GALNT13: variants seen among roughly 807,000 people sequenced by gnomAD.
The protein encoded by GALNT13 is polypeptide N-acetylgalactosaminyltransferase 13.
Under a neutral mutation model 64.2 loss-of-function variants are expected in GALNT13, and 28 were observed. The ratio of observed to expected loss-of-function variants is 0.44; its 90% confidence interval spans 0.32 to 0.60. The LOEUF (loss-of-function observed/expected upper bound fraction) is 0.60, where lower values mean the gene tolerates loss of function less well. GALNT13 is among the 20% of genes least tolerant of loss of function. The pLI, the probability that GALNT13 is intolerant of heterozygous loss-of-function variation, is 0.05. For synonymous variants in GALNT13, 214 were observed against 224.6 expected (o/e 0.95, Z 0.42); for missense variants, 577 against 669.8 (o/e 0.86, Z 1.53).
At chr2:153,471,649 C>A in the GALNT13 span, among the ~76,000 whole-genome samples, 1 of 152,100 alleles carries the variant, frequency 6.6e-6, no homozygotes, top group Non-Finnish European at 1.5e-5. Context: ...AGGGTCCCAG[C>A]TCATTTCTCT....
chr2:154,213,094 G>A (rs1687865579), intron 4 of GALNT13, among the ~76,000 whole-genome samples: 1 of 152,008 alleles, frequency 6.6e-6, no homozygotes, highest in Non-Finnish European at 1.5e-5. Context: ...AGGAAGTCAG[G>A]TTTTTGTTCA....
At chr2:154,322,144 CTTT>C (rs70983718) in intron 9 of GALNT13, among the ~76,000 whole-genome samples, 45 of 16,624 alleles carry the variant, frequency 2.7e-3, no homozygotes, top group African/African-American at 7.9e-3. Context: ...AAAATATGTA[CTTT>C]TTTTTTTTTT....
intron 9 of GALNT13, among the ~76,000 whole-genome samples, chr2:154,318,033 T>G (rs1298883885): frequency 6.6e-6 from 1 of 152,150 alleles, no homozygotes; most frequent in Non-Finnish European, 1.5e-5. Context: ...ACAAGACAAA[T>G]GCCTTTCTTT....
At chr2:153,277,262 G>T in the GALNT13 span, among the ~76,000 whole-genome samples, 4 of 152,094 alleles carry the variant, frequency 2.6e-5, no homozygotes, top group Non-Finnish European at 5.9e-5. Context: ...ATGGGCATGA[G>T]TACCCAATAT....
the GALNT13 span, among the ~76,000 whole-genome samples, chr2:153,719,488 C>A: frequency 6.6e-6 from 1 of 152,154 alleles, no homozygotes. Context: ...CAGCTCCGGT[C>A]TACAGCTCCC....
At chr2:154,005,687 G>A (rs1460246642) in intron 3 of GALNT13, among the ~76,000 whole-genome samples, 1 of 151,890 alleles carries the variant, frequency 6.6e-6, no homozygotes, top group Non-Finnish European at 1.5e-5. Flanking sequence ...TAAGTAAGGG[G>A]AAAATGTTAC....
chr2:153,583,618 A>T, the GALNT13 span, among the ~76,000 whole-genome samples: 3 of 152,156 alleles, frequency 2.0e-5, no homozygotes, highest in African/African-American at 7.2e-5. Flanking sequence ...ACGGGATAGC[A>T]TATTCACCCT....
chr2:153,635,069 T>C, the GALNT13 span, among the ~76,000 whole-genome samples: 1 of 152,004 alleles, frequency 6.6e-6, no homozygotes, highest in Non-Finnish European at 1.5e-5. Context: ...ATAACTACTT[T>C]AGAGGAAATT....
intron 1 of GALNT13, among the ~76,000 whole-genome samples, chr2:153,891,720 C>A (rs1008826582): frequency 3.3e-5 from 5 of 152,088 alleles, no homozygotes; most frequent in African/African-American, 1.2e-4. Context: ...ATAGAGGGAT[C>A]TCTGAATGAG....
chr2:153,819,971 A>G, the GALNT13 span, among the ~76,000 whole-genome samples: 18 of 152,360 alleles, frequency 1.2e-4, no homozygotes, highest in African/African-American at 4.1e-4. Context: ...AGAAAGCCCA[A>G]TGAGATCAAA....
At chr2:153,395,491 A>G in the GALNT13 span, among the ~76,000 whole-genome samples, 1 of 151,818 alleles carries the variant, frequency 6.6e-6, no homozygotes, top group African/African-American at 2.4e-5. Context: ...CACCCTTCCC[A>G]CTCTGTTTCT....
chr2:153,266,338 A>G, the GALNT13 span, among the ~76,000 whole-genome samples: 1 of 152,230 alleles, frequency 6.6e-6, no homozygotes, highest in African/African-American at 2.4e-5. Flanking sequence ...TATTGTATCA[A>G]CTATGTTATT....
At chr2:153,455,657 A>C in the GALNT13 span, among the ~76,000 whole-genome samples, 1 of 152,088 alleles carries the variant, frequency 6.6e-6, no homozygotes, top group East Asian at 2.0e-4. Flanking sequence ...CTGAAGCCCC[A>C]GAGGGCGCGT....
chr2:153,384,004 A>G, the GALNT13 span, among the ~76,000 whole-genome samples: 1 of 85,396 alleles, frequency 1.2e-5, no homozygotes, highest in Non-Finnish European at 3.9e-5. Context: ...TTGAATTCAC[A>G]TCAGAACTTT....
At chr2:154,407,051 A>G (rs948664365) in intron 10 of GALNT13, among the ~76,000 whole-genome samples, 6 of 152,160 alleles carry the variant, frequency 3.9e-5, no homozygotes, top group African/African-American at 1.4e-4. Context: ...GTCCCTTTCC[A>G]GTACCACTGT....
the GALNT13 span, among the ~76,000 whole-genome samples, chr2:153,741,175 C>T: frequency 3.3e-5 from 5 of 152,014 alleles, no homozygotes; most frequent in South Asian, 2.1e-4. Context: ...GTCTCACTAT[C>T]GTATTTTTTT....
At chr2:153,075,901 T>A in the GALNT13 span, among the ~76,000 whole-genome samples, 146 of 152,306 alleles carry the variant, frequency 9.6e-4, no homozygotes, top group Non-Finnish European at 1.9e-3. Context: ...TGCTTTTTTT[T>A]AACTATAAAA....
intron 4 of GALNT13, among the ~76,000 whole-genome samples, chr2:154,185,471 T>C (rs1444523568): frequency 6.6e-6 from 1 of 151,998 alleles, no homozygotes; most frequent in Non-Finnish European, 1.5e-5. Flanking sequence ...CCTTCCGAGA[T>C]TCTCATAGTA....
At chr2:154,272,068 C>T (rs1691384036) in intron 8 of GALNT13, among the ~76,000 whole-genome samples, 1 of 151,704 alleles carries the variant, frequency 6.6e-6, no homozygotes. Context: ...ATAAAGTATA[C>T]ATTTTCATTT....
Sources: allele counts gnomAD v4.1 joint callset (sites outside exome capture counted in the v4.1 genomes callset), GRCh38; gene constraint gnomAD v4.1.1; transcripts MANE v1.5; gene names NCBI Gene and HGNC (gene_info 2026-07-23, HGNC 2026-07-21).